NAV2: variants seen among roughly 807,000 people sequenced by gnomAD.
The protein encoded by NAV2 is neuron navigator 2, also known as helicase, APC down-regulated 1.
In NAV2, 54 loss-of-function variants were observed where a neutral mutation model predicts 223.2. That is an observed-to-expected ratio of 0.24 (90% CI 0.19 to 0.30). NAV2 has a LOEUF of 0.30. Ranked by LOEUF, NAV2 falls within the 10% of genes least tolerant of loss-of-function variation. The probability of loss-of-function intolerance (pLI) is 1.00; values close to 1 mark genes in which losing one functional copy is unlikely to be tolerated. For missense variants in NAV2, 2,806 were observed against 3,147.5 expected, an observed-to-expected ratio of 0.89 and a Z score of 2.60; for synonymous variants, 1,279 against 1,239.3, an observed-to-expected ratio of 1.03 and a Z score of -0.67.
At chr11:20,096,757 G>A (rs774326086) in intron 30 of NAV2, among the ~76,000 whole-genome samples, 1 of 152,180 alleles carries the variant, frequency 6.6e-6, no homozygotes, top group Non-Finnish European at 1.5e-5. Context: ...TTTTTTGACT[G>A]GAGATTGGTC....
intron 3 of NAV2, among the ~76,000 whole-genome samples, chr11:19,863,273 G>A (rs1336113627): frequency 6.6e-6 from 1 of 152,186 alleles, no homozygotes; most frequent in African/African-American, 2.4e-5. Flanking sequence ...ATGCCCCAAT[G>A]TGGCCCCATC....
chr11:19,984,398 A>G, intron 11 of NAV2, 151 bp downstream of exon 11: 1 of 1,224,784 alleles, frequency 8.2e-7, no homozygotes, highest in East Asian at 2.5e-5. Flanking sequence ...GGTTAGGAGC[A>G]GGTACAGTAG....
chr11:19,822,455 C>T (rs1204014469), intron 1 of NAV2, among the ~76,000 whole-genome samples: 1 of 152,166 alleles, frequency 6.6e-6, no homozygotes, highest in Non-Finnish European at 1.5e-5. Context: ...ACGCATGCAG[C>T]TCTAAGCTAC....
chr11:19,799,794 C>A (rs1482947125), intron 1 of NAV2, among the ~76,000 whole-genome samples: 1 of 152,162 alleles, frequency 6.6e-6, no homozygotes, highest in Non-Finnish European at 1.5e-5. Flanking sequence ...CCCCCCACAC[C>A]TGCCCTGTTC....
chr11:19,626,013 C>T (rs1011848861), intron 1 of NAV2, among the ~76,000 whole-genome samples: 3 of 152,122 alleles, frequency 2.0e-5, no homozygotes, highest in Non-Finnish European at 4.4e-5. Context: ...GTTTCCCTTA[C>T]TGTGCAGAAG....
chr11:19,666,805 A>G (rs2048423378), intron 1 of NAV2, among the ~76,000 whole-genome samples: 1 of 152,142 alleles, frequency 6.6e-6, no homozygotes, highest in East Asian at 1.9e-4. Context: ...GCCTCTCATG[A>G]TAGAATCACT....
intron 1 of NAV2, among the ~76,000 whole-genome samples, chr11:19,597,055 G>GA (rs1472759684): frequency 1.3e-5 from 2 of 152,182 alleles, no homozygotes; most frequent in Admixed American, 6.5e-5. Flanking sequence ...GTGACTCCAA[G>GA]TTTTTCCTTC....
At chr11:19,642,789 T>G (rs978674526) in intron 1 of NAV2, among the ~76,000 whole-genome samples, 4 of 151,276 alleles carry the variant, frequency 2.6e-5, no homozygotes, top group Non-Finnish European at 4.4e-5. Flanking sequence ...CAGTCAGGGG[T>G]GTGTGTGTGT....
intron 8 of NAV2, among the ~76,000 whole-genome samples, chr11:19,944,491 TC>T (rs1469384426): frequency 1.3e-5 from 2 of 148,236 alleles, no homozygotes; most frequent in African/African-American, 5.2e-5. Flanking sequence ...CTTTCCCCTT[TC>T]CCCTTTCCTC....
intron 1 of NAV2, among the ~76,000 whole-genome samples, chr11:19,507,779 T>C (rs145468353): frequency 6.6e-6 from 1 of 152,334 alleles, no homozygotes; most frequent in African/African-American, 2.4e-5. Flanking sequence ...GTCCCTATGT[T>C]GTGTACATTA....
chr11:19,867,422 T>C (rs924973419), intron 3 of NAV2, among the ~76,000 whole-genome samples: 5 of 152,184 alleles, frequency 3.3e-5, no homozygotes, highest in Non-Finnish European at 4.4e-5. Flanking sequence ...TATCACATAA[T>C]ATTTGCTAAA....
chr11:19,351,475 A>G (rs138800875), intron 1 of NAV2, among the ~76,000 whole-genome samples: 536 of 151,974 alleles, frequency 3.5e-3, no homozygotes, highest in Non-Finnish European at 5.0e-3. Flanking sequence ...ATTCTACTGC[A>G]CTCTTTGGCC....
At chr11:19,650,346 G>C (rs1219376517) in intron 1 of NAV2, among the ~76,000 whole-genome samples, 1 of 152,174 alleles carries the variant, frequency 6.6e-6, no homozygotes, top group Non-Finnish European at 1.5e-5. Context: ...CCAAGGGCTG[G>C]AACTAGGGCT....
chr11:19,879,965 C>T lies in NAV2; in HGVS notation c.608C>T (p.Ser203Phe), dbSNP rs1159555711. The T allele has an allele frequency of 1.9e-6, 3 of 1,613,338 alleles. No homozygotes were observed. The highest frequency in any genetic ancestry group is 1.7e-5 in the Admixed American group (1 of 59,956). The change falls in exon 5 of 38, where the codon TCC becomes TTC. Residue 203 changes from serine to phenylalanine, a missense_variant. Physicochemically the swap from Ser to Phe is radical, Grantham distance 155. Coordinates refer to ENST00000349880, the MANE Select transcript of NAV2 (RefSeq NM_145117.5). Reference protein sequence around the residue: ...QQQQPQKQHLSSPLPPAVSQV... With the variant: ...QQQQPQKQHLFSPLPPAVSQV... ...CAGCAGCCCCAGAAGCAGCACCTCT[C>T]CTCACCTCTGCCGCCCGCCGTATCC...
chr11:19,867,513 G>A (rs532550688), intron 3 of NAV2, among the ~76,000 whole-genome samples: 24 of 152,348 alleles, frequency 1.6e-4, no homozygotes, highest in African/African-American at 5.8e-4. Context: ...TTTCCTCCAT[G>A]TGTATAAGAA....
chr11:20,074,227 A>T (rs1198906265), intron 22 of NAV2, among the ~76,000 whole-genome samples: 1 of 152,026 alleles, frequency 6.6e-6, no homozygotes. Flanking sequence ...TTCAGTTTCC[A>T]TGTAGTTGTG....
chr11:19,992,073 C>A (rs763969066), intron 11 of NAV2, among the ~76,000 whole-genome samples: 2 of 152,248 alleles, frequency 1.3e-5, no homozygotes, highest in Admixed American at 6.5e-5. Flanking sequence ...ACGATCTTCA[C>A]TGGTTTCTTT....
intron 1 of NAV2, among the ~76,000 whole-genome samples, chr11:19,686,052 C>T (rs1457789268): frequency 6.6e-6 from 1 of 152,144 alleles, no homozygotes; most frequent in Non-Finnish European, 1.5e-5. Flanking sequence ...GCTCCCCCAG[C>T]TCCCTAGTAC....
chr11:19,731,145 T>C (rs919115410), intron 1 of NAV2, among the ~76,000 whole-genome samples: 2 of 152,148 alleles, frequency 1.3e-5, no homozygotes, highest in Admixed American at 1.3e-4. Context: ...CTTAGTTAGG[T>C]TTTCCTTTAT....
Sources: gnomAD v4.1 joint callset for allele counts (sites outside exome capture counted in the v4.1 genomes callset) on GRCh38, gnomAD v4.1.1 for gene constraint, MANE v1.5 for transcripts, NCBI Gene and HGNC (gene_info 2026-07-23, HGNC 2026-07-21) for gene names.